PLEKHA5: variants seen among roughly 807,000 people sequenced by gnomAD.
PLEKHA5 encodes pleckstrin homology domain-containing family A member 5.
PLEKHA5 carries 55 observed loss-of-function variants against 181.9 expected under a neutral mutation model. The observed-to-expected ratio is 0.30, with a 90% CI of 0.24 to 0.38. The LOEUF is 0.38. Ranked by LOEUF, PLEKHA5 falls within the 10% of genes least tolerant of loss-of-function variation. PLEKHA5 has a pLI of 1.00. For missense variants in PLEKHA5, 1,432 were observed against 1,549.5 expected (o/e 0.92, Z 1.27); for synonymous variants, 535 against 529.4 (o/e 1.01, Z -0.15).
At position 19,344,394 on chromosome 12, in the gene PLEKHA5, A is replaced by G. The variant is rs560615032; in HGVS notation, c.2662+960A>G. 3.2e-4 allele frequency among the ~76,000 whole-genome samples: 49 copies of G among 152,268 alleles called. 1 individual carries two copies. The South Asian group carries it at 8.5e-3, about 26-fold the overall frequency. ...CAAGAACTGGGATCATCCTATATCT[A>G]TTTTTCAATAATTTGCTTTTTTCTC... On this transcript the variant is annotated intron_variant, in intron 22 of 31. Coordinates refer to ENST00000429027, the MANE Select transcript of PLEKHA5 (RefSeq NM_001256470.2).
chr12:19,298,744 T>A (rs2080632675), intron 15 of PLEKHA5, among the ~76,000 whole-genome samples: 2 of 152,128 alleles, frequency 1.3e-5, no homozygotes, highest in South Asian at 2.1e-4. Context: ...TTAAAAAAAA[T>A]GGTTCAGAAT....
At chr12:19,142,596 A>G (rs913477188) in intron 3 of PLEKHA5, among the ~76,000 whole-genome samples, 4 of 152,186 alleles carry the variant, frequency 2.6e-5, no homozygotes, top group Non-Finnish European at 5.9e-5. Context: ...GTCTGATAAC[A>G]ATAGCTTTTT....
chr12:19,251,406 CAAA>C (rs35113109), intron 3 of PLEKHA5, among the ~76,000 whole-genome samples: 24 of 124,708 alleles, frequency 1.9e-4, no homozygotes, highest in Non-Finnish European at 2.7e-4. Context: ...AACTCTGTCT[CAAA>C]AAAAAAAAAA....
At chr12:19,345,439 AAAAATAAATTT>A (rs1284505555) in intron 22 of PLEKHA5, among the ~76,000 whole-genome samples, 94 of 151,008 alleles carry the variant, frequency 6.2e-4, no homozygotes, top group African/African-American at 2.0e-3. Context: ...AAATAAAAAT[AAAAATAAATTT>A]AAAAAAAAAT....
At chr12:19,302,169 G>GA (rs1205320467) in intron 15 of PLEKHA5, among the ~76,000 whole-genome samples, 1 of 152,018 alleles carries the variant, frequency 6.6e-6, no homozygotes, top group African/African-American at 2.4e-5. Context: ...AATCTTTTCC[G>GA]AAGAAGTCAT....
intron 3 of PLEKHA5, among the ~76,000 whole-genome samples, chr12:19,204,365 T>C (rs759100171): frequency 4.6e-5 from 7 of 151,958 alleles, no homozygotes; most frequent in African/African-American, 9.7e-5. Context: ...CTACCCAAGG[T>C]GAAAGTGGAA....
chr12:19,231,589 T>C, intron 3 of PLEKHA5, among the ~76,000 whole-genome samples: 1 of 119,048 alleles, frequency 8.4e-6, no homozygotes, highest in South Asian at 3.0e-4. Context: ...TATATATTTA[T>C]ATATGTACAC....
rs117757528 is a variant in PLEKHA5, at chr12:19,138,295, C to T, written c.227+5845C>T. On this transcript the variant is annotated intron_variant, in intron 3 of 31. Coordinates refer to ENST00000429027, the MANE Select transcript of PLEKHA5 (RefSeq NM_001256470.2). ...GAGTTAATGGTGTAAAAAAATGGCACGGCATGGTGGCTCATGCCTGTAATC... is the reference window on the plus strand; with the variant it reads ...GAGTTAATGGTGTAAAAAAATGGCATGGCATGGTGGCTCATGCCTGTAATC... Among the ~76,000 whole-genome samples the T allele has an allele frequency of 9.4e-3, 1,425 of 152,110 alleles. 10 individuals carry two copies. The highest frequency in any genetic ancestry group is 0.027 in the South Asian group (131 of 4,822).
In PLEKHA5 at chr12:19,129,807, C is replaced by A. The variant is rs1291138922; in HGVS notation, c.8C>A (p.Ala3Glu). Residue 3 changes from alanine (A) to glutamate (E), a missense_variant, in exon 1 of 32, where the codon GCG becomes GAG. Transcript: ENST00000429027. ...GGCGGCTAGGGATCAGACATGGCGG[C>A]GGATCTGAACCTGGAGTGGATCTCC... MA[A>E]DLNLEWISLP... The A allele has an allele frequency of 1.3e-6, 2 of 1,598,610 alleles. No individual in the cohort carries two copies. The highest frequency in any genetic ancestry group is 2.7e-5 in the African/African-American group (2 of 73,068).
chr12:19,270,007 CAGAA>C, intron 9 of PLEKHA5, 122 bp downstream of exon 9: 1 of 654,582 alleles, frequency 1.5e-6, no homozygotes, highest in South Asian at 2.2e-5. Context: ...ATTTTTTCCT[CAGAA>C]AGCAAGGATC....
chr12:19,369,255 G>A (rs1233675325), intron 30 of PLEKHA5, among the ~76,000 whole-genome samples: 4 of 150,712 alleles, frequency 2.7e-5, no homozygotes, highest in South Asian at 2.1e-4. Flanking sequence ...GGCTGGTCTC[G>A]AACTCCTGAC....
At chr12:19,375,240 C>T (rs2095688177) in intron 31 of PLEKHA5, among the ~76,000 whole-genome samples, 1 of 151,658 alleles carries the variant, frequency 6.6e-6, no homozygotes, top group Admixed American at 6.6e-5. Context: ...AGGAGAATCG[C>T]TTGAACCCAG....
intron 15 of PLEKHA5, among the ~76,000 whole-genome samples, chr12:19,292,900 C>T (rs1336630908): frequency 1.3e-5 from 2 of 152,150 alleles, no homozygotes; most frequent in Non-Finnish European, 2.9e-5. Flanking sequence ...GATCACACCA[C>T]TGCACTCCAG....
rs1411977809 is a variant in PLEKHA5, at chr12:19,369,680, TTG to T, written c.3755-7_3755-6del. The stretch of plus-strand genomic sequence containing the variant: ...AGATTTTTATCTTCTCCCATTTTCT[TTG>T]TGTGTTTTAGTGAAAAGTCTGTCCC... On this transcript the variant is annotated splice_polypyrimidine_tract_variant and intron_variant, in intron 30 of 31. Transcript: ENST00000429027. The T allele has an allele frequency of 9.0e-6, 14 of 1,547,796 alleles. No homozygotes were observed. The African/African-American group carries it at 1.5e-4, about 17-fold the overall frequency.
At position 19,307,027 on chromosome 12, in the gene PLEKHA5, C is replaced by G. The variant is rs755539391; in HGVS notation, c.2038-7787C>G. On this transcript the variant is annotated intron_variant, in intron 15 of 31. Transcript: ENST00000429027. ...GGGGGCTCCTACTCTTGTTCCTGCC[C>G]TTGCTGCGCTTGGGCTTCCTGGAGC... 1.5e-5 allele frequency: 23 copies of G among 1,485,304 alleles called. No individual in the cohort carries two copies. The Admixed American group carries it at 1.7e-4, about 11-fold the overall frequency. 92.0% of individuals were successfully genotyped at this position (1,485,304 alleles called of 1,614,324 possible).
rs976811340 is a variant in PLEKHA5 at position 19,254,873 on chromosome 12, A to G, written c.312-172A>G. On this transcript the variant is annotated intron_variant, in intron 4 of 31. Coordinates refer to ENST00000429027, the MANE Select transcript of PLEKHA5 (RefSeq NM_001256470.2). ...ATAATAATGTATTTTTGGCTTAGGA[A>G]AAGCGTTAGCTGTATTTAAAGTTGT... Among the ~76,000 whole-genome samples the G allele has an allele frequency of 7.9e-5, 12 of 152,192 alleles. 1 individual carries two copies. Among genetic ancestry groups the G allele is most frequent in the Admixed American group, 7.9e-4 (12 of 15,272 alleles).
intron 26 of PLEKHA5, 141 bp downstream of exon 26, chr12:19,354,143 C>CCTTT (rs2094771304): frequency 1.4e-5 from 1 of 73,892 alleles, no homozygotes; most frequent in Non-Finnish European, 2.3e-5. Context: ...ATTCTTTATT[C>CCTTT]TTTTTTTTTT....
intron 3 of PLEKHA5, among the ~76,000 whole-genome samples, chr12:19,235,337 A>T (rs1376523844): frequency 2.0e-5 from 3 of 152,172 alleles, no homozygotes; most frequent in Non-Finnish European, 4.4e-5. Flanking sequence ...GTATCTAAAA[A>T]TTTTTATATC....
In PLEKHA5 at chr12:19,175,846, A is replaced by T. The variant is rs551316538; in HGVS notation, c.227+43396A>T. Among the ~76,000 whole-genome samples the T allele has an allele frequency of 3.9e-4, 59 of 152,332 alleles. 1 individual carries two copies. Among genetic ancestry groups the T allele is most frequent in the African/African-American group, 1.2e-3 (48 of 41,586 alleles). On this transcript the variant is annotated intron_variant, in intron 3 of 31. Coordinates refer to ENST00000429027, the MANE Select transcript of PLEKHA5 (RefSeq NM_001256470.2). ...ATAATTTAAATTCTCTTAAACAAAC[A>T]TATTTAGTACCAAGATACAATTAAA...
Sources: allele counts gnomAD v4.1 joint callset (sites outside exome capture counted in the v4.1 genomes callset), GRCh38; gene constraint gnomAD v4.1.1; transcripts MANE v1.5; gene names NCBI Gene and HGNC (gene_info 2026-07-23, HGNC 2026-07-21).